The following ADGRL2 variants were observed in gnomAD, a reference collection of about 807,000 sequenced individuals.
The protein encoded by ADGRL2 is adhesion G protein-coupled receptor L2.
ADGRL2 carries 44 observed loss-of-function variants against 157.4 expected under a neutral mutation model. The observed-to-expected ratio is 0.28, with a 90% confidence interval of 0.22 to 0.36. The LOEUF is 0.36. Ranked by LOEUF, ADGRL2 falls within the 10% of genes least tolerant of loss-of-function variation. The probability of loss-of-function intolerance (pLI) is 1.00; values close to 1 mark genes in which losing one functional copy is unlikely to be tolerated. For synonymous variants in ADGRL2, 585 were observed against 624.7 expected, an observed-to-expected ratio of 0.94 and a Z score of 0.95; for missense variants, 1,510 against 1,768.9, an observed-to-expected ratio of 0.85 and a Z score of 2.63.
At chr1:81,575,101 A>G (rs2080771658) in intron 2 of ADGRL2, among the ~76,000 whole-genome samples, 1 of 152,202 alleles carries the variant, frequency 6.6e-6, no homozygotes, top group Non-Finnish European at 1.5e-5. Flanking sequence ...ATATGGACTA[A>G]TTTCAAAACA....
At chr1:81,588,905 A>G (rs2081078508) in intron 3 of ADGRL2, among the ~76,000 whole-genome samples, 1 of 152,124 alleles carries the variant, frequency 6.6e-6, no homozygotes. Flanking sequence ...GTTTACTGAG[A>G]CTTTTCCTAG....
In ADGRL2 at chr1:81,663,801, A is replaced by G. The variant is rs193191056; in HGVS notation, c.-143+82821A>G. ...TAAAGTCATGTTTAGCAGCATGATA[A>G]TGGAAGAGAATATGACCTTTAAGAA... On this transcript the variant is annotated intron_variant, in intron 3 of 24. Coordinates refer to the ADGRL2 transcript ENST00000370721. Among the ~76,000 whole-genome samples the G allele has an allele frequency of 1.4e-3, 208 of 152,298 alleles. 1 individual carries two copies. The highest frequency in any genetic ancestry group is 4.9e-3 in the African/African-American group (205 of 41,564).
At chr1:81,810,904 T>C (rs1366443811) in intron 1 of ADGRL2, among the ~76,000 whole-genome samples, 4 of 151,886 alleles carry the variant, frequency 2.6e-5, no homozygotes, top group Admixed American at 2.0e-4. Context: ...TTTTTTGCGC[T>C]TTTCAGAGTT....
At chr1:81,437,865 T>C (rs1054665217) in intron 1 of ADGRL2, among the ~76,000 whole-genome samples, 13 of 152,194 alleles carry the variant, frequency 8.5e-5, no homozygotes. Flanking sequence ...TAGCTTTGAT[T>C]CGAGTTATAA....
chr1:81,455,044 C>T (rs1378715464), intron 2 of ADGRL2, among the ~76,000 whole-genome samples: 1 of 152,220 alleles, frequency 6.6e-6, no homozygotes, highest in African/African-American at 2.4e-5. Context: ...TTCCCTCTTG[C>T]TCCTCATTCT....
intron 1 of ADGRL2, among the ~76,000 whole-genome samples, chr1:81,808,265 G>GA (rs1249472923): frequency 2.6e-5 from 4 of 151,592 alleles, no homozygotes; most frequent in Admixed American, 1.3e-4. Flanking sequence ...ATGACTAAAA[G>GA]AAAAAAAATC....
intron 1 of ADGRL2, among the ~76,000 whole-genome samples, chr1:81,700,321 C>T (rs993675979): frequency 1.1e-4 from 17 of 152,148 alleles, no homozygotes; most frequent in Admixed American, 3.3e-4. Flanking sequence ...TTAACATTTA[C>T]GGATCTCTCT....
intron 2 of ADGRL2, among the ~76,000 whole-genome samples, chr1:81,887,041 A>G (rs1457072855): frequency 6.6e-6 from 1 of 152,208 alleles, no homozygotes; most frequent in Non-Finnish European, 1.5e-5. Context: ...TTAGCTAAAG[A>G]TAGACATTCC....
intron 2 of ADGRL2, among the ~76,000 whole-genome samples, chr1:81,579,710 G>A (rs1423822777): frequency 6.6e-6 from 1 of 151,754 alleles, no homozygotes; most frequent in Non-Finnish European, 1.5e-5. Context: ...AAAATACAGT[G>A]CTTGCCAAAA....
intron 1 of ADGRL2, among the ~76,000 whole-genome samples, chr1:81,830,799 G>A (rs1171580895): frequency 3.9e-5 from 6 of 152,252 alleles, no homozygotes; most frequent in East Asian, 1.9e-4. Context: ...GAGCCACCGC[G>A]CCTGGCCAAT....
chr1:81,474,099 T>G (rs1431571267), intron 2 of ADGRL2, among the ~76,000 whole-genome samples: 1 of 152,220 alleles, frequency 6.6e-6, no homozygotes, highest in African/African-American at 2.4e-5. Context: ...TAGGCAAGCT[T>G]GAGCTGGAAA....
At chr1:81,365,777 A>G (rs765983616) in intron 1 of ADGRL2, among the ~76,000 whole-genome samples, 1 of 152,190 alleles carries the variant, frequency 6.6e-6, no homozygotes, top group South Asian at 2.1e-4. Context: ...TGTTAATACC[A>G]TTGACACTGG....
chr1:81,742,909 T>C, intron 1 of ADGRL2, among the ~76,000 whole-genome samples: 1 of 152,062 alleles, frequency 6.6e-6, no homozygotes, highest in East Asian at 1.9e-4. Context: ...TATAGAATAG[T>C]CATCACTTAA....
chr1:81,754,131 G>A (rs530853201), intron 1 of ADGRL2, among the ~76,000 whole-genome samples: 1 of 151,914 alleles, frequency 6.6e-6, no homozygotes, highest in Admixed American at 6.6e-5. Flanking sequence ...TGCCAATAAG[G>A]CTTCTTGGAC....
At chr1:81,804,036 G>T (rs1313507757) in intron 1 of ADGRL2, among the ~76,000 whole-genome samples, 2 of 152,194 alleles carry the variant, frequency 1.3e-5, no homozygotes, top group African/African-American at 4.8e-5. Context: ...GAGGCAATAT[G>T]CATCCAGAGC....
At chr1:81,366,662 G>A (rs1479923644) in intron 1 of ADGRL2, among the ~76,000 whole-genome samples, 1 of 152,114 alleles carries the variant, frequency 6.6e-6, no homozygotes, top group Non-Finnish European at 1.5e-5. Flanking sequence ...CATGTAAACT[G>A]TGAATTTAGC....
intron 1 of ADGRL2, among the ~76,000 whole-genome samples, chr1:81,411,881 A>C (rs1168469862): frequency 9.1e-6 from 1 of 109,926 alleles, no homozygotes; most frequent in African/African-American, 5.6e-5. Flanking sequence ...CTCCGTCTTA[A>C]AAAAAAAAAA....
At chr1:81,817,108 C>T (rs1294003923) in intron 1 of ADGRL2, among the ~76,000 whole-genome samples, 1 of 152,038 alleles carries the variant, frequency 6.6e-6, no homozygotes, top group East Asian at 1.9e-4. Context: ...TCCCACGCTC[C>T]TACCTTTTGT....
chr1:81,403,419 C>A (rs991585808), intron 1 of ADGRL2, among the ~76,000 whole-genome samples: 2 of 151,978 alleles, frequency 1.3e-5, no homozygotes, highest in African/African-American at 4.8e-5. Context: ...TGAGTACCAC[C>A]CACTCCCAGC....
Sources: gnomAD v4.1 joint callset for allele counts (sites outside exome capture counted in the v4.1 genomes callset) on GRCh38, gnomAD v4.1.1 for gene constraint, MANE v1.5 for transcripts, NCBI Gene and HGNC (gene_info 2026-07-23, HGNC 2026-07-21) for gene names.